NPEPPS: variants seen among roughly 807,000 people sequenced by gnomAD.
The protein encoded by NPEPPS is puromycin-sensitive aminopeptidase.
In NPEPPS, 14 loss-of-function variants were observed where a neutral mutation model predicts 115.5. The ratio of observed to expected loss-of-function variants is 0.12; its 90% CI spans 0.08 to 0.19. NPEPPS has a LOEUF of 0.19. NPEPPS is among the 10% of genes least tolerant of loss of function. NPEPPS has a pLI of 1.00. For missense variants in NPEPPS, 523 were observed against 1,110.8 expected, an observed-to-expected ratio of 0.47 and a Z score of 7.52; for synonymous variants, 285 against 390.6, an observed-to-expected ratio of 0.73 and a Z score of 3.19.
rs1455018562 is a variant in NPEPPS at position 47,547,969 on chromosome 17, T to C, written c.340+1976T>C. Among the ~76,000 whole-genome samples, 14 of 152,256 alleles carry C rather than the reference T, an allele frequency of 9.2e-5. No individual in the cohort carries two copies. The East Asian group carries it at 1.3e-3, about 15-fold the overall frequency. On this transcript the variant is annotated intron_variant, in intron 2 of 22. Transcript: ENST00000322157. ...TGAACCCGGGAGGCAGAGCTTGCAGTGAGCCGAGATCGCGCCACTGCACTC... is the reference window on the plus strand; with the variant it reads ...TGAACCCGGGAGGCAGAGCTTGCAGCGAGCCGAGATCGCGCCACTGCACTC...
intron 22 of NPEPPS, 34 bp from the exon 23 acceptor site, chr17:47,621,734 T>G: frequency 1.3e-6 from 2 of 1,576,030 alleles, no homozygotes; most frequent in Non-Finnish European, 1.7e-6. Flanking sequence ...TTATTGCTAG[T>G]AATGATCCTG....
In NPEPPS at chr17:47,621,797, A is replaced by C. The variant is rs755904149; in HGVS notation, c.2637A>C (p.Ser879=). Residue 879 remains serine (S), a synonymous_variant, in exon 23 of 23, where the codon TCA becomes TCC. Coordinates refer to ENST00000322157, the MANE Select transcript of NPEPPS (RefSeq NM_006310.4). ...KAFFESHPAP[S]AERTIQQCCE... ...TCTTCGAGAGTCACCCAGCTCCTTC[A>C]GCTGAGCGTACCATCCAGCAGTGTT... 2.5e-6 allele frequency: 4 copies of C among 1,612,686 alleles called. No individual in the cohort carries two copies. In the Admixed American group the frequency reaches 5.0e-5, roughly 20 times the overall value.
intron 16 of NPEPPS, among the ~76,000 whole-genome samples, chr17:47,604,931 A>G (rs545008163): frequency 1.3e-5 from 2 of 152,368 alleles, no homozygotes; most frequent in South Asian, 4.1e-4. Flanking sequence ...TTTGTCAAAA[A>G]CCAAAGCTCA....
Position 47,572,845 on chromosome 17 carries a change from G to A in NPEPPS, c.418+3351G>A, listed in dbSNP as rs562504835. On this transcript the variant is annotated intron_variant, in intron 3 of 22. Transcript: ENST00000322157. The stretch of plus-strand genomic sequence containing the variant: ...GACTGGAGTGTAGTGGTGCGATCTC[G>A]GCTCACCACAGCCTCCACCTCGTGG... 3.9e-5 allele frequency among the ~76,000 whole-genome samples: 6 copies of A among 152,146 alleles called. No homozygotes were observed. In the East Asian group the frequency reaches 7.7e-4, roughly 20 times the overall value.
chr17:47,621,445 A>G (rs954075059), intron 22 of NPEPPS, among the ~76,000 whole-genome samples: 5 of 152,206 alleles, frequency 3.3e-5, no homozygotes, highest in Non-Finnish European at 7.3e-5. Flanking sequence ...AAGCTAGTAC[A>G]TGACTAAGCC....
chr17:47,545,263 T>G (rs1210290837), intron 1 of NPEPPS, among the ~76,000 whole-genome samples: 2 of 152,070 alleles, frequency 1.3e-5, no homozygotes, highest in Admixed American at 6.6e-5. Flanking sequence ...TCCCAAAGTG[T>G]TGGGATTACA....
intron 2 of NPEPPS, among the ~76,000 whole-genome samples, chr17:47,567,452 C>T (rs1208303680): frequency 6.6e-6 from 1 of 152,206 alleles, no homozygotes; most frequent in East Asian, 1.9e-4. Context: ...TTACCCACAG[C>T]ATCCTGTGAC....
chr17:47,526,491 G>T (rs1907437599), upstream of NPEPPS, among the ~76,000 whole-genome samples: 1 of 152,214 alleles, frequency 6.6e-6, no homozygotes, highest in African/African-American at 2.4e-5. Context: ...AAACCGGTTA[G>T]CTTGTTAAGA....
At chr17:47,543,220 G>A (rs977238526) in intron 1 of NPEPPS, among the ~76,000 whole-genome samples, 6 of 149,654 alleles carry the variant, frequency 4.0e-5, no homozygotes, top group Admixed American at 1.3e-4. Flanking sequence ...TTAATGGCGC[G>A]CACACACACA....
chr17:47,566,505 GTTT>G (rs201456111), intron 2 of NPEPPS, among the ~76,000 whole-genome samples: 3,507 of 124,230 alleles, frequency 0.028, 90 homozygotes, highest in East Asian at 0.12. Context: ...TAGGTTTTTT[GTTT>G]TTTTTTTTTT....
In NPEPPS at chr17:47,621,908, AC is replaced by A. The variant is rs766325784; in HGVS notation, c.2751del (p.Thr918GlnfsTer5). 28 of 1,611,742 alleles carry A rather than the reference AC, an allele frequency of 1.7e-5. No individual in the cohort carries two copies. In the Middle Eastern group the frequency reaches 5.1e-4, roughly 29 times the overall value. ...QYLLQRKASP[P>X]TV ...ACCTCCTTCAGCGGAAGGCCTCACC[AC>A]CCACAGTGTGAATCCTGAGGTGCCG... is the stretch of plus-strand genomic sequence containing the variant. On this transcript the variant is annotated frameshift_variant, in exon 23 of 23. Coordinates refer to ENST00000322157, the MANE Select transcript of NPEPPS (RefSeq NM_006310.4). LOFTEE classifies it high-confidence loss of function.
At chr17:47,558,752 C>T (rs961202029) in intron 2 of NPEPPS, among the ~76,000 whole-genome samples, 3 of 151,102 alleles carry the variant, frequency 2.0e-5, no homozygotes, top group South Asian at 2.2e-4. Context: ...TAGGGTCTTG[C>T]GGCTGGGTGT....
At chr17:47,562,329 C>T (rs2143777329) in intron 2 of NPEPPS, among the ~76,000 whole-genome samples, 1 of 152,280 alleles carries the variant, frequency 6.6e-6, no homozygotes, top group South Asian at 2.1e-4. Flanking sequence ...CTAATGCTAT[C>T]TCCAGGTAGA....
chr17:47,545,878 C>T, intron 1 of NPEPPS, 31 bp from the exon 2 acceptor site: 1 of 1,487,186 alleles, frequency 6.7e-7, no homozygotes, highest in East Asian at 2.5e-5. Flanking sequence ...TAGGCTATTT[C>T]TGACACTGTT....
intron 2 of NPEPPS, among the ~76,000 whole-genome samples, chr17:47,554,332 G>A (rs1250562406): frequency 2.6e-5 from 4 of 151,952 alleles, no homozygotes; most frequent in East Asian, 1.9e-4. Flanking sequence ...GAGCCACCGC[G>A]CCCAGCCAAT....
At chr17:47,556,603 C>T (rs1372690483) in intron 2 of NPEPPS, among the ~76,000 whole-genome samples, 3 of 152,216 alleles carry the variant, frequency 2.0e-5, no homozygotes, top group African/African-American at 7.2e-5. Context: ...GGGTACACCT[C>T]CCAGACGGGG....
intron 3 of NPEPPS, among the ~76,000 whole-genome samples, chr17:47,575,035 G>C (rs2661184): frequency 6.6e-6 from 1 of 152,194 alleles, no homozygotes; most frequent in African/African-American, 2.4e-5. Flanking sequence ...CAGTTTAACT[G>C]AAAAGTCTGC....
intron 19 of NPEPPS, 28 bp from the exon 20 acceptor site, chr17:47,618,322 A>T: frequency 6.8e-7 from 1 of 1,463,760 alleles, no homozygotes; most frequent in East Asian, 2.3e-5. Context: ...AGAGTTAACT[A>T]TTCCTATCTT....
intron 2 of NPEPPS, among the ~76,000 whole-genome samples, chr17:47,547,878 C>G (rs1909334139): frequency 6.6e-6 from 1 of 151,976 alleles, no homozygotes; most frequent in Non-Finnish European, 1.5e-5. Flanking sequence ...TACAAAAAAT[C>G]AGCTGGGCGT....
Sources: allele counts gnomAD v4.1 joint callset (sites outside exome capture counted in the v4.1 genomes callset), GRCh38; gene constraint gnomAD v4.1.1; transcripts MANE v1.5; gene names NCBI Gene and HGNC (gene_info 2026-07-23, HGNC 2026-07-21).